DIS3L2: variants seen among roughly 807,000 people sequenced by gnomAD.
The protein encoded by DIS3L2 is DIS3 like 3'-5' exoribonuclease 2.
In DIS3L2, 34 loss-of-function variants were observed where a neutral mutation model predicts 97.5. That is an observed-to-expected ratio of 0.35 (90% CI 0.27 to 0.46). The LOEUF (loss-of-function observed/expected upper bound fraction) is 0.46, where lower values mean the gene tolerates loss of function less well. DIS3L2 is among the 20% of genes least tolerant of loss of function. The pLI is 1.00. For synonymous variants in DIS3L2, 435 were observed against 445.2 expected (o/e 0.98, Z 0.29); for missense variants, 1,038 against 1,146.0 (o/e 0.91, Z 1.36).
At chr2:232,202,441 A>G (rs1192483441) in intron 9 of DIS3L2, among the ~76,000 whole-genome samples, 1 of 152,204 alleles carries the variant, frequency 6.6e-6, no homozygotes, top group African/African-American at 2.4e-5. Context: ...TGAGAGGTTC[A>G]TTGAACCGGT....
intron 11 of DIS3L2, 115 bp from the exon 12 acceptor site, chr2:232,249,124 C>T (rs948110758): frequency 2.2e-6 from 2 of 928,902 alleles, no homozygotes; most frequent in Non-Finnish European, 3.4e-6. Flanking sequence ...AACAGAGCCA[C>T]CTCCATCTTC....
At chr2:232,033,097 A>G (rs1488860577) in intron 5 of DIS3L2, among the ~76,000 whole-genome samples, 2 of 152,192 alleles carry the variant, frequency 1.3e-5, no homozygotes, top group Admixed American at 6.5e-5. Context: ...TTTTCACAAT[A>G]TTGATTCTTC....
intron 5 of DIS3L2, among the ~76,000 whole-genome samples, chr2:232,052,545 T>C (rs56124922): frequency 0.011 from 1,720 of 152,348 alleles, 19 homozygotes; most frequent in Non-Finnish European, 0.016. Flanking sequence ...CTCTTCCCTG[T>C]TGGGCAACTC....
chr2:232,307,561 GC>G (rs1695021130), intron 14 of DIS3L2: 1 of 152,104 alleles, frequency 6.6e-6, no homozygotes, highest in African/African-American at 2.4e-5. Context: ...GCTATGAAGA[GC>G]ATTAAACATG....
chr2:232,162,048 G>T (rs1690668384), intron 8 of DIS3L2, among the ~76,000 whole-genome samples: 1 of 152,240 alleles, frequency 6.6e-6, no homozygotes. Flanking sequence ...TAGGATTACA[G>T]GCGTGAGCCA....
intron 12 of DIS3L2, among the ~76,000 whole-genome samples, chr2:232,250,837 C>T (rs979341166): frequency 1.3e-5 from 2 of 152,006 alleles, no homozygotes; most frequent in African/African-American, 2.4e-5. Context: ...ATCCATGAGT[C>T]GGGACATGGG....
At chr2:231,971,346 A>C (rs1018466223) in intron 1 of DIS3L2, among the ~76,000 whole-genome samples, 26 of 151,854 alleles carry the variant, frequency 1.7e-4, no homozygotes, top group Non-Finnish European at 3.2e-4. Context: ...GCTCACTGCA[A>C]CTTCTGCCTG....
chr2:231,989,050 T>G (rs760391836), intron 1 of DIS3L2, among the ~76,000 whole-genome samples: 1 of 152,198 alleles, frequency 6.6e-6, no homozygotes, highest in Non-Finnish European at 1.5e-5. Flanking sequence ...TTCCTTTGTC[T>G]TATTACTTTT....
rs1698367959 is a variant in DIS3L2 at position 232,136,682 on chromosome 2, A to G, written c.913A>G (p.Ile305Val). Residue 305 changes from isoleucine to valine, a missense_variant, in exon 8 of 21, where the codon ATT becomes GTT. By Grantham distance (29) the Ile-to-Val change is conservative. This residue lies in a region of DIS3L2 where 813 missense variants were observed against 880.1 expected (regional missense o/e 0.92). Transcript: ENST00000325385. The part of the protein sequence containing the change: ...DYANTLFICR[I>V]VDWKEDCNFA... ...TGCCAACACACTGTTCATCTGCCGCATTGTGGACTGGAAGGAGGACTGCAA... is the reference window on the plus strand; with the variant it reads ...TGCCAACACACTGTTCATCTGCCGCGTTGTGGACTGGAAGGAGGACTGCAA... 1 of 1,613,870 alleles carries G rather than the reference A, an allele frequency of 6.2e-7. No homozygotes were observed. The highest frequency in any genetic ancestry group is 8.5e-7 in the Non-Finnish European group (1 of 1,179,908).
At chr2:232,108,322 ATCTCTTC>A (rs1375747848) in intron 6 of DIS3L2, among the ~76,000 whole-genome samples, 1 of 152,216 alleles carries the variant, frequency 6.6e-6, no homozygotes, top group East Asian at 1.9e-4. Flanking sequence ...AAAATTCAAC[ATCTCTTC>A]ATGTTAAAAT....
chr2:232,247,149 A>T (rs1693273811), intron 11 of DIS3L2, among the ~76,000 whole-genome samples: 2 of 152,198 alleles, frequency 1.3e-5, no homozygotes, highest in Admixed American at 6.5e-5. Flanking sequence ...CCCTGGACTG[A>T]TGTCATTGCA....
At chr2:231,970,153 G>A (rs940228104) in intron 1 of DIS3L2, among the ~76,000 whole-genome samples, 3 of 152,070 alleles carry the variant, frequency 2.0e-5, no homozygotes, top group African/African-American at 7.2e-5. Context: ...TTGTTATGTG[G>A]TCGAGGCTGG....
rs766054545 is a variant in DIS3L2 at position 232,334,744 on chromosome 2, C to T, written c.2394+9C>T. ...AGCGCATCTACTGCAACGTGAGTGC[C>T]CTGGGAGAGCCCGGGGGCGGGCAGG... is the stretch of plus-strand genomic sequence containing the variant. On this transcript the variant is annotated intron_variant, in intron 19 of 20. Transcript: ENST00000325385. The T allele has an allele frequency of 6.3e-6, 10 of 1,595,010 alleles. No individual in the cohort carries two copies. Among genetic ancestry groups the T allele is most frequent in the African/African-American group, 4.0e-5 (3 of 74,376 alleles).
At chr2:232,157,092 GTT>G (rs56213441) in intron 8 of DIS3L2, among the ~76,000 whole-genome samples, 1,785 of 151,958 alleles carry the variant, frequency 0.012, 37 homozygotes, top group African/African-American at 0.04. Context: ...TTGCACATAA[GTT>G]TTTTTTGGGA....
intron 13 of DIS3L2, among the ~76,000 whole-genome samples, chr2:232,270,872 CT>C (rs1559185144): frequency 3.7e-4 from 34 of 91,262 alleles, no homozygotes; most frequent in Admixed American, 2.3e-3. Context: ...CTCTCTCTCT[CT>C]CTCTCTCTCT....
chr2:232,017,088 A>G (rs1399954277), intron 3 of DIS3L2, among the ~76,000 whole-genome samples: 1 of 151,572 alleles, frequency 6.6e-6, no homozygotes, highest in East Asian at 1.9e-4. Context: ...GTTTTAATTT[A>G]TTATTTATTT....
chr2:232,026,473 A>G (rs1694659719), intron 4 of DIS3L2, among the ~76,000 whole-genome samples: 2 of 151,800 alleles, frequency 1.3e-5, no homozygotes, highest in Admixed American at 1.3e-4. Context: ...TGGGCATCCT[A>G]TCCCATGTAT....
chr2:232,309,626 G>A (rs142433882), intron 14 of DIS3L2, among the ~76,000 whole-genome samples: 35 of 151,966 alleles, frequency 2.3e-4, no homozygotes, highest in African/African-American at 7.7e-4. Context: ...TTACAGGCCC[G>A]CACAATGGCT....
rs148861805 is a variant in DIS3L2, at chr2:232,112,577, G to A, written c.602-18042G>A. Among the ~76,000 whole-genome samples the A allele has an allele frequency of 1.7e-4, 26 of 152,282 alleles. 1 individual carries two copies. In the East Asian group the frequency reaches 3.1e-3, roughly 18 times the overall value. Reference sequence around the variant, plus strand: ...CCCCAGGGCCTTGCTTAGACCATGAGTAGACTCCTGTCCCAAGGAAAACCA... The same window carrying A: ...CCCCAGGGCCTTGCTTAGACCATGAATAGACTCCTGTCCCAAGGAAAACCA... On this transcript the variant is annotated intron_variant, in intron 6 of 20. Coordinates refer to ENST00000325385, the MANE Select transcript of DIS3L2 (RefSeq NM_152383.5).
Sources: allele counts gnomAD v4.1 joint callset (sites outside exome capture counted in the v4.1 genomes callset), GRCh38; gene constraint gnomAD v4.1.1; regional missense constraint gnomAD v4.1.1; transcripts MANE v1.5; gene names NCBI Gene and HGNC (gene_info 2026-07-23, HGNC 2026-07-21).